The following GPATCH8 variants were observed in gnomAD, a reference collection of about 807,000 sequenced individuals.
GPATCH8 encodes the protein G patch domain-containing protein 8.
Under a neutral mutation model 118.3 loss-of-function variants are expected in GPATCH8, and 18 were observed. The observed-to-expected ratio is 0.15, with a 90% confidence interval of 0.11 to 0.23. The LOEUF (loss-of-function observed/expected upper bound fraction) is 0.23, where lower values mean the gene tolerates loss of function less well. Among genes scored for constraint, GPATCH8 ranks in the 10% least tolerant of loss-of-function variants. The probability of loss-of-function intolerance (pLI) is 1.00; values close to 1 mark genes in which losing one functional copy is unlikely to be tolerated. For synonymous variants in GPATCH8, 659 were observed against 684.7 expected (o/e 0.96, Z 0.59); for missense variants, 1,631 against 1,873.8 (o/e 0.87, Z 2.39).
At chr17:44,496,801 A>G (rs1568076550) in intron 1 of GPATCH8, among the ~76,000 whole-genome samples, 2 of 152,246 alleles carry the variant, frequency 1.3e-5, no homozygotes, top group East Asian at 1.9e-4. Context: ...ATCATTTGGT[A>G]TAAGAACGAC....
At position 44,474,259 on chromosome 17, in the gene GPATCH8, G is replaced by C. The variant is rs1481710657; in HGVS notation, c.120+570C>G. Among the ~76,000 whole-genome samples, 12 of 152,198 alleles carry C rather than the reference G, an allele frequency of 7.9e-5. No individual in the cohort carries two copies. In the East Asian group the frequency reaches 2.3e-3, roughly 29 times the overall value. On this transcript the variant is annotated intron_variant, in intron 2 of 7. Coordinates refer to ENST00000591680, the MANE Select transcript of GPATCH8 (RefSeq NM_001002909.4). ...AATAAATCTCCTTGTTCTATTGCTT[G>C]ATATCATCAGTGTCCAAAACTAAGC...
At chr17:44,415,150 C>G (rs1466841378) in intron 6 of GPATCH8, among the ~76,000 whole-genome samples, 2 of 152,178 alleles carry the variant, frequency 1.3e-5, no homozygotes, top group Non-Finnish European at 2.9e-5. Context: ...TTTCCACTAT[C>G]TTTTCACTAT....
chr17:44,407,893 G>C (rs1478057992), intron 6 of GPATCH8, among the ~76,000 whole-genome samples: 4 of 152,168 alleles, frequency 2.6e-5, no homozygotes, highest in Admixed American at 2.6e-4. Context: ...CTGGTCTCAA[G>C]TGATCTACCT....
rs1332269105 is a variant in GPATCH8 at position 44,400,973 on chromosome 17, C to T, written c.1104G>A (p.Gly368=). The change falls in exon 8 of 8, where the codon GGG becomes GGA. Residue 368 remains glycine (G), a synonymous_variant. Coordinates refer to ENST00000591680, the MANE Select transcript of GPATCH8 (RefSeq NM_001002909.4). ...ATTTGGATAATGTTGAGGCAAGGGACCCTCCATCCTGAGGGTCTTCATCCT... is the reference window on the plus strand; with the variant it reads ...ATTTGGATAATGTTGAGGCAAGGGATCCTCCATCCTGAGGGTCTTCATCCT... ...KKEDEDPQDG[G]SLASTLSKLK... 1 of 1,614,004 alleles carries T rather than the reference C, an allele frequency of 6.2e-7. No individual in the cohort carries two copies. Among genetic ancestry groups the T allele is most frequent in the Non-Finnish European group, 8.5e-7 (1 of 1,179,910 alleles).
intron 5 of GPATCH8, among the ~76,000 whole-genome samples, chr17:44,430,338 A>G (rs2050261094): frequency 6.6e-6 from 1 of 152,160 alleles, no homozygotes; most frequent in Admixed American, 6.5e-5. Flanking sequence ...TTATCCCAGG[A>G]ACTCAATGTT....
chr17:44,413,925 G>A (rs958658935), intron 6 of GPATCH8, among the ~76,000 whole-genome samples: 2 of 151,874 alleles, frequency 1.3e-5, no homozygotes, highest in African/African-American at 2.4e-5. Flanking sequence ...CGGCCAGGCC[G>A]AATAGTCCAA....
chr17:44,460,232 C>T (rs562829652), intron 3 of GPATCH8, among the ~76,000 whole-genome samples: 365 of 152,220 alleles, frequency 2.4e-3, no homozygotes, highest in African/African-American at 8.7e-3. Flanking sequence ...AACAATTGTT[C>T]ATAATATTTC....
At chr17:44,455,846 C>T (rs530458759) in intron 3 of GPATCH8, among the ~76,000 whole-genome samples, 1 of 152,284 alleles carries the variant, frequency 6.6e-6, no homozygotes, top group African/African-American at 2.4e-5. Context: ...CTCCTGGGTT[C>T]AAGCAATTCT....
intron 1 of GPATCH8, among the ~76,000 whole-genome samples, chr17:44,495,863 C>CT (rs1568075354): frequency 6.6e-6 from 1 of 152,042 alleles, no homozygotes; most frequent in Admixed American, 6.6e-5. Context: ...GCTTTAATTT[C>CT]TTTTTTTGTT....
chr17:44,470,769 A>G (rs1967219034), intron 2 of GPATCH8, among the ~76,000 whole-genome samples: 1 of 152,202 alleles, frequency 6.6e-6, no homozygotes, highest in East Asian at 1.9e-4. Flanking sequence ...CAGCATCCCA[A>G]AGTGCTGGGA....
intron 2 of GPATCH8, among the ~76,000 whole-genome samples, chr17:44,470,494 CTTT>C (rs35343849): frequency 1.0e-4 from 8 of 76,302 alleles, no homozygotes; most frequent in African/African-American, 3.5e-4. Flanking sequence ...GCACCCAGCG[CTTT>C]TTTTTTTTTT....
At chr17:44,407,773 T>C (rs1022336433) in intron 6 of GPATCH8, among the ~76,000 whole-genome samples, 3 of 151,908 alleles carry the variant, frequency 2.0e-5, no homozygotes, top group Admixed American at 6.6e-5. Context: ...TCTCATGCGT[T>C]AGCCTCCCAA....
rs2048995925 is a variant in GPATCH8, at chr17:44,400,921, C to A, written c.1156G>T (p.Ala386Ser). ...TAATACTCAGGCTCTGTAGCCCCAG[C>A]TCCTTCTTCTCGTTTCATCCTTTTT... is the stretch of plus-strand genomic sequence containing the variant. ...KLKRMKREEG[A>S]GATEPEYYHY... The change falls in exon 8 of 8, where the codon GCT (alanine) becomes TCT (serine). Residue 386 changes from alanine (A) to serine (S), a missense_variant. By Grantham distance (99) the Ala-to-Ser change is moderately conservative (BLOSUM62 1). Around this residue, in one of 8 missense-constraint regions of GPATCH8, gnomAD observed 405 missense variants for 462.7 expected, o/e 0.88. Coordinates refer to ENST00000591680, the MANE Select transcript of GPATCH8 (RefSeq NM_001002909.4). The A allele has an allele frequency of 6.2e-7, 1 of 1,614,174 alleles. No homozygotes were observed. Among genetic ancestry groups the A allele is most frequent in the African/African-American group, 1.3e-5 (1 of 75,028 alleles).
intron 1 of GPATCH8, among the ~76,000 whole-genome samples, chr17:44,493,518 C>T (rs750616583): frequency 1.2e-4 from 19 of 152,154 alleles, no homozygotes; most frequent in Non-Finnish European, 2.5e-4. Flanking sequence ...CAACACTTTA[C>T]ATACCACAAT....
At chr17:44,434,586 TC>T (rs1386373441) in intron 5 of GPATCH8, among the ~76,000 whole-genome samples, 7 of 152,060 alleles carry the variant, frequency 4.6e-5, no homozygotes, top group African/African-American at 1.7e-4. Flanking sequence ...ACGCCTGTAA[TC>T]CCAGCACTTT....
At chr17:44,451,938 T>C (rs1005128601) in intron 3 of GPATCH8, among the ~76,000 whole-genome samples, 2 of 152,194 alleles carry the variant, frequency 1.3e-5, no homozygotes, top group South Asian at 2.1e-4. Flanking sequence ...GTTAAAAGCA[T>C]AGGTTTTGGC....
In GPATCH8 at chr17:44,397,339, C is replaced by T; in HGVS notation, c.*229G>A. On this transcript the variant is annotated 3_prime_UTR_variant, in exon 8 of 8. Transcript: ENST00000591680. ...ACTGGTGTTCCCTAGCTTAGAAACA[C>T]AGAAGAGGGAGGGACAAATTGAGAG... is the stretch of plus-strand genomic sequence containing the variant. 1.5e-6 allele frequency: 1 copy of T among 674,350 alleles called. No individual in the cohort carries two copies. Among genetic ancestry groups the T allele is most frequent in the Non-Finnish European group, 2.7e-6 (1 of 368,034 alleles). 41.8% of individuals were successfully genotyped at this position (674,350 alleles called of 1,614,324 possible).
intron 3 of GPATCH8, among the ~76,000 whole-genome samples, chr17:44,462,288 G>C (rs947083960): frequency 1.3e-5 from 2 of 152,142 alleles, no homozygotes; most frequent in African/African-American, 4.8e-5. Flanking sequence ...TTTCAAATTG[G>C]AGAGAAAAGC....
At chr17:44,448,122 C>T (rs2050956184) in intron 3 of GPATCH8, among the ~76,000 whole-genome samples, 2 of 152,092 alleles carry the variant, frequency 1.3e-5, no homozygotes, top group African/African-American at 2.4e-5. Context: ...TTAAATTTGG[C>T]ATTTTTGAAA....
Sources: allele counts gnomAD v4.1 joint callset (sites outside exome capture counted in the v4.1 genomes callset), GRCh38; gene constraint gnomAD v4.1.1; regional missense constraint gnomAD v4.1.1; transcripts MANE v1.5; gene names NCBI Gene and HGNC (gene_info 2026-07-23, HGNC 2026-07-21).